The following PCDH9 variants were observed in gnomAD, a reference collection of about 807,000 sequenced individuals.
PCDH9 encodes the protein protocadherin 9, also known as protocadherin-9.
Under a neutral mutation model 70.6 loss-of-function variants are expected in PCDH9, and 24 were observed. The ratio of observed to expected loss-of-function variants is 0.34; its 90% CI spans 0.25 to 0.48. The LOEUF is 0.48. Ranked by LOEUF, PCDH9 falls within the 20% of genes least tolerant of loss-of-function variation. The probability of loss-of-function intolerance (pLI) is 0.99; values close to 1 mark genes in which losing one functional copy is unlikely to be tolerated. For synonymous variants in PCDH9, 562 were observed against 558.5 expected (o/e 1.01, Z -0.09); for missense variants, 1,281 against 1,503.6 (o/e 0.85, Z 2.45).
At chr13:66,705,819 TATAAAC>T (rs1330905915) in intron 3 of PCDH9, among the ~76,000 whole-genome samples, 1 of 152,154 alleles carries the variant, frequency 6.6e-6, no homozygotes, top group Non-Finnish European at 1.5e-5. Flanking sequence ...TAAAAATAAT[TATAAAC>T]ATAAGAATTG....
chr13:66,602,418 G>A lies in PCDH9; in HGVS notation c.3340+28792C>T, dbSNP rs549139193. ...AGTGGGACAAAATGCAGAGGTGGAA[G>A]GCAGTGATATTGATCTTGACCGTGC... is the stretch of plus-strand genomic sequence containing the variant. On this transcript the variant is annotated intron_variant, in intron 4 of 4. Coordinates refer to ENST00000377865, the MANE Select transcript of PCDH9 (RefSeq NM_203487.3). Among the ~76,000 whole-genome samples, 9 of 145,564 alleles carry A rather than the reference G, an allele frequency of 6.2e-5. 1 individual carries two copies. The South Asian group carries it at 2.0e-3, about 32-fold the overall frequency.
At chr13:66,568,081 G>A (rs930775752) in intron 4 of PCDH9, among the ~76,000 whole-genome samples, 3 of 152,120 alleles carry the variant, frequency 2.0e-5, no homozygotes, top group East Asian at 1.9e-4. Flanking sequence ...TTGGAGATAA[G>A]ACGTGTAAGA....
chr13:66,732,956 T>G (rs1479921930), intron 3 of PCDH9, among the ~76,000 whole-genome samples: 2 of 152,058 alleles, frequency 1.3e-5, no homozygotes, highest in African/African-American at 4.8e-5. Flanking sequence ...CACATGCACA[T>G]GTATGACCCT....
intron 3 of PCDH9, among the ~76,000 whole-genome samples, chr13:66,868,941 G>T (rs73208963): frequency 0.013 from 1,928 of 152,186 alleles, 20 homozygotes; most frequent in Non-Finnish European, 0.022. Flanking sequence ...CTTAAGAACT[G>T]TATATAATAA....
At chr13:66,960,426 T>G (rs1240547350) in intron 2 of PCDH9, among the ~76,000 whole-genome samples, 4 of 152,168 alleles carry the variant, frequency 2.6e-5, no homozygotes, top group African/African-American at 9.6e-5. Flanking sequence ...TCAGTAATTT[T>G]GAAAACCCTA....
chr13:66,438,171 T>C (rs1957909528), intron 4 of PCDH9, among the ~76,000 whole-genome samples: 1 of 151,584 alleles, frequency 6.6e-6, no homozygotes, highest in South Asian at 2.1e-4. Context: ...GAGGTAGAGG[T>C]TGCAGTAAGC....
chr13:66,416,885 A>G (rs1215778267), intron 4 of PCDH9, among the ~76,000 whole-genome samples: 1 of 152,188 alleles, frequency 6.6e-6, no homozygotes, highest in Admixed American at 6.5e-5. Context: ...CTTGAATGAT[A>G]TAAGAGCTTA....
intron 3 of PCDH9, among the ~76,000 whole-genome samples, chr13:66,748,296 T>C (rs1195395520): frequency 6.6e-6 from 1 of 152,248 alleles, no homozygotes; most frequent in Non-Finnish European, 1.5e-5. Context: ...ATAACTTTAA[T>C]GAGATAAATT....
chr13:67,208,795 T>C (rs904312654), intron 2 of PCDH9: 5 of 152,120 alleles, frequency 3.3e-5, no homozygotes, highest in Non-Finnish European at 7.4e-5. Context: ...TGGAGGAATA[T>C]CCATAGAAAA....
At chr13:66,633,776 G>A (rs891423594) in intron 3 of PCDH9, among the ~76,000 whole-genome samples, 13 of 151,814 alleles carry the variant, frequency 8.6e-5, no homozygotes, top group African/African-American at 3.2e-4. Flanking sequence ...AAAGACAGAA[G>A]TAAAAAAGAA....
At chr13:66,526,780 A>G (rs888933200) in intron 4 of PCDH9, among the ~76,000 whole-genome samples, 1 of 152,154 alleles carries the variant, frequency 6.6e-6, no homozygotes, top group Non-Finnish European at 1.5e-5. Flanking sequence ...AAAGTGGCCT[A>G]AATTTAACTA....
At chr13:66,618,817 A>G (rs2077389304) in intron 4 of PCDH9, among the ~76,000 whole-genome samples, 2 of 152,140 alleles carry the variant, frequency 1.3e-5, no homozygotes, top group Admixed American at 1.3e-4. Context: ...TCTCTTTATT[A>G]CTTCTTGGAA....
chr13:66,440,395 G>C (rs1262765276), intron 4 of PCDH9, among the ~76,000 whole-genome samples: 1 of 152,036 alleles, frequency 6.6e-6, no homozygotes, highest in Non-Finnish European at 1.5e-5. Flanking sequence ...AATTTCCTGT[G>C]CTTGATGTCT....
intron 4 of PCDH9, among the ~76,000 whole-genome samples, chr13:66,563,816 C>T (rs1439275615): frequency 2.0e-5 from 3 of 152,254 alleles, no homozygotes; most frequent in African/African-American, 7.2e-5. Context: ...TCTAGCCATT[C>T]TAAATTGGCA....
chr13:66,841,624 A>T (rs915670665), intron 3 of PCDH9, among the ~76,000 whole-genome samples: 2 of 152,194 alleles, frequency 1.3e-5, no homozygotes, highest in African/African-American at 4.8e-5. Flanking sequence ...TCTATAACCC[A>T]TTCCATCCAC....
chr13:66,591,557 T>C (rs2077040027), intron 4 of PCDH9, among the ~76,000 whole-genome samples: 1 of 151,326 alleles, frequency 6.6e-6, no homozygotes, highest in Non-Finnish European at 1.5e-5. Flanking sequence ...AGCAGCCAAA[T>C]TAAACAGAAA....
At chr13:66,550,542 T>A (rs2138678840) in intron 4 of PCDH9, among the ~76,000 whole-genome samples, 1 of 152,262 alleles carries the variant, frequency 6.6e-6, no homozygotes, top group East Asian at 1.9e-4. Flanking sequence ...CCCTCCACCA[T>A]CTTTCTGCCA....
At chr13:66,588,489 GTC>G (rs2076993550) in intron 4 of PCDH9, among the ~76,000 whole-genome samples, 1 of 21,050 alleles carries the variant, frequency 4.8e-5, no homozygotes. Context: ...AGGAGAGAAC[GTC>G]ATATATATAT....
At chr13:66,336,268 T>C (rs1007197523) in intron 4 of PCDH9, among the ~76,000 whole-genome samples, 2 of 152,080 alleles carry the variant, frequency 1.3e-5, no homozygotes, top group South Asian at 2.1e-4. Flanking sequence ...GATTTTTTTT[T>C]TTTTAATTTA....
Sources: gnomAD v4.1 joint callset for allele counts (sites outside exome capture counted in the v4.1 genomes callset) on GRCh38, gnomAD v4.1.1 for gene constraint, MANE v1.5 for transcripts, NCBI Gene and HGNC (gene_info 2026-07-23, HGNC 2026-07-21) for gene names.